Variants in COL26A1 observed in about 807,000 individuals in gnomAD.
COL26A1 encodes the protein collagen alpha-1(XXVI) chain.
Under a neutral mutation model 59.3 loss-of-function variants are expected in COL26A1, and 41 were observed. The observed-to-expected ratio is 0.69, with a 90% confidence interval of 0.54 to 0.90. The LOEUF is 0.90. COL26A1 is among the 40% of genes least tolerant of loss of function. COL26A1 has a pLI of 0.00. For missense variants in COL26A1, 612 were observed against 602.3 expected (o/e 1.02, Z -0.17); for synonymous variants, 266 against 256.0 (o/e 1.04, Z -0.37).
At chr7:101,506,209 C>T (rs1186460966) in intron 3 of COL26A1, among the ~76,000 whole-genome samples, 2 of 152,252 alleles carry the variant, frequency 1.3e-5, no homozygotes, top group Non-Finnish European at 2.9e-5. Flanking sequence ...AACTTCCTGA[C>T]TGTCCCGGTT....
At chr7:101,400,341 CT>C (rs959845625) in intron 1 of COL26A1, among the ~76,000 whole-genome samples, 2 of 111,564 alleles carry the variant, frequency 1.8e-5, no homozygotes, top group East Asian at 2.5e-4. Context: ...CACTGCCTTT[CT>C]TTTTTTTCCT....
At chr7:101,495,191 C>T (rs1228707070) in intron 3 of COL26A1, among the ~76,000 whole-genome samples, 1 of 152,180 alleles carries the variant, frequency 6.6e-6, no homozygotes. Flanking sequence ...CAGCTGGAAC[C>T]CAACACACAG....
At chr7:101,467,073 A>T (rs1207148349) in intron 3 of COL26A1, among the ~76,000 whole-genome samples, 1 of 151,764 alleles carries the variant, frequency 6.6e-6, no homozygotes, top group Non-Finnish European at 1.5e-5. Context: ...TTCCCCTTGG[A>T]GGGCAGCCCA....
At chr7:101,419,647 G>C (rs1487728813) in intron 1 of COL26A1, among the ~76,000 whole-genome samples, 1 of 152,242 alleles carries the variant, frequency 6.6e-6, no homozygotes, top group East Asian at 1.9e-4. Flanking sequence ...TCACCACGTG[G>C]TGGAACGTGT....
rs1253140284 is a variant in COL26A1 at position 101,547,234 on chromosome 7, C to T, written c.935C>T (p.Pro312Leu). The T allele has an allele frequency of 6.3e-7, 1 of 1,577,066 alleles. No homozygotes were observed. The highest frequency in any genetic ancestry group is 8.6e-7 in the Non-Finnish European group (1 of 1,162,580). ...CCAGGACCCCGGGGTCCCCCTGGTC[C>T]ACCAGGTAAGTGAATGGTGGGCTGG... The part of the protein sequence containing the change: ...GVPGPRGPPG[P>L]PGPPGPRGPP... Residue 312 changes from proline to leucine, a missense_variant, in exon 8 of 13, where the codon CCA becomes CTA. By Grantham distance (98) the Pro-to-Leu change is moderately conservative. Transcript: ENST00000313669.
Position 101,447,719 on chromosome 7 carries a change from C to T in COL26A1, c.317C>T (p.Ser106Phe). The change falls in exon 3 of 13, where the codon TCC becomes TTC. Residue 106 changes from serine (S) to phenylalanine (F), a missense_variant. Transcript: ENST00000313669. ...RTLIRPTYRV[S>F]YRTVTVLEWR... ...CTGATCAGACCCACCTACAGAGTGT[C>T]CTACCGCACGGTGACGGTGCTGGAG... 6.2e-7 allele frequency: 1 copy of T among 1,605,778 alleles called. No individual in the cohort carries two copies. The highest frequency in any genetic ancestry group is 8.5e-7 in the Non-Finnish European group (1 of 1,176,384).
At chr7:101,487,134 C>G (rs1342824265) in intron 3 of COL26A1, among the ~76,000 whole-genome samples, 1 of 152,122 alleles carries the variant, frequency 6.6e-6, no homozygotes, top group Non-Finnish European at 1.5e-5. Context: ...AACCCAGGAA[C>G]CGGCAGCACC....
chr7:101,427,957 T>C (rs1474377776), intron 2 of COL26A1, among the ~76,000 whole-genome samples: 1 of 152,216 alleles, frequency 6.6e-6, no homozygotes, highest in African/African-American at 2.4e-5. Flanking sequence ...AAACAGCCTC[T>C]CCTGGTTCCC....
chr7:101,459,419 C>T (rs1392801925), intron 3 of COL26A1, among the ~76,000 whole-genome samples: 2 of 151,954 alleles, frequency 1.3e-5, no homozygotes, highest in East Asian at 3.9e-4. Context: ...CCTGCCTCAG[C>T]CTCCTGAGTA....
rs371535546 is a variant in COL26A1, at chr7:101,390,841, GA to G, written c.158+27653del. 9.8e-5 allele frequency among the ~76,000 whole-genome samples: 15 copies of G among 152,330 alleles called. No individual in the cohort carries two copies. In the East Asian group the frequency reaches 2.9e-3, roughly 29 times the overall value. On this transcript the variant is annotated intron_variant, in intron 1 of 12. Coordinates refer to ENST00000313669, the MANE Select transcript of COL26A1 (RefSeq NM_001278563.3). ...GAGGTCTCAGGGATTCCGAGGCTGGGAAGCTCAGTGGGCTGTGCAACCGGTC... is the reference window on the plus strand; with the variant it reads ...GAGGTCTCAGGGATTCCGAGGCTGGGAGCTCAGTGGGCTGTGCAACCGGTC...
chr7:101,392,285 AGT>A (rs1312348845), intron 1 of COL26A1, among the ~76,000 whole-genome samples: 1 of 151,906 alleles, frequency 6.6e-6, no homozygotes, highest in African/African-American at 2.4e-5. Context: ...CTGTTGGGGC[AGT>A]GTGCATCTAC....
chr7:101,540,188 A>C, intron 5 of COL26A1, 139 bp downstream of exon 5: 2 of 897,284 alleles, frequency 2.2e-6, no homozygotes, highest in Non-Finnish European at 3.2e-6. Flanking sequence ...AAATTAAGCT[A>C]ACAGTTGAAA....
At chr7:101,547,023 C>T (rs908746573) in intron 7 of COL26A1, 133 bp from the exon 8 acceptor site, 42 of 591,454 alleles carry the variant, frequency 7.1e-5, no homozygotes, top group Non-Finnish European at 1.0e-4. Flanking sequence ...GTATCTGCAG[C>T]GGGCCCCAGG....
At chr7:101,375,878 T>A (rs1407986691) in intron 1 of COL26A1, among the ~76,000 whole-genome samples, 2 of 148,438 alleles carry the variant, frequency 1.3e-5, no homozygotes, top group Non-Finnish European at 3.0e-5. Context: ...CCCACCTACT[T>A]GGGAGGCTGA....
intron 4 of COL26A1, among the ~76,000 whole-genome samples, chr7:101,536,492 G>A (rs1395998580): frequency 6.6e-6 from 1 of 152,224 alleles, no homozygotes; most frequent in South Asian, 2.1e-4. Context: ...TTAGATCAGA[G>A]GCTAGGGGTC....
At chr7:101,501,772 G>A (rs1052313385) in intron 3 of COL26A1, among the ~76,000 whole-genome samples, 5 of 152,214 alleles carry the variant, frequency 3.3e-5, no homozygotes, top group Non-Finnish European at 4.4e-5. Context: ...GTGAGTGTGC[G>A]CCATGGGCTG....
chr7:101,527,913 G>A (rs1223378340), intron 3 of COL26A1, among the ~76,000 whole-genome samples: 1 of 152,116 alleles, frequency 6.6e-6, no homozygotes, highest in Non-Finnish European at 1.5e-5. Context: ...CCAGGAGGGG[G>A]CAGGATCAGC....
intron 1 of COL26A1, among the ~76,000 whole-genome samples, chr7:101,378,232 T>G (rs1238532230): frequency 6.6e-6 from 1 of 152,050 alleles, no homozygotes; most frequent in East Asian, 1.9e-4. Context: ...ATACAAAAAT[T>G]AGCTGGGTGT....
chr7:101,400,353 A>ATTTT (rs574852983), intron 1 of COL26A1, among the ~76,000 whole-genome samples: 1 of 97,246 alleles, frequency 1.0e-5, no homozygotes, highest in East Asian at 3.1e-4. Flanking sequence ...TTTTTTTCCT[A>ATTTT]TTTTTTTTTT....
Sources: gnomAD v4.1 joint callset for allele counts (sites outside exome capture counted in the v4.1 genomes callset) on GRCh38, gnomAD v4.1.1 for gene constraint, MANE v1.5 for transcripts, NCBI Gene and HGNC (gene_info 2026-07-23, HGNC 2026-07-21) for gene names.